Variants in PLA2G7 observed in about 807,000 individuals in gnomAD.
The protein encoded by PLA2G7 is phospholipase A2 group VII.
A neutral mutation model predicts 49.6 loss-of-function variants in PLA2G7; 63 were observed. The observed-to-expected ratio is 1.27, with a 90% CI of 1.04 to 1.57. PLA2G7 has a LOEUF of 1.57. PLA2G7 is among the 40% of genes most tolerant of loss of function. PLA2G7 has a pLI of 0.00. For missense variants in PLA2G7, 596 were observed against 521.2 expected, an observed-to-expected ratio of 1.14 and a Z score of -1.40; for synonymous variants, 193 against 169.9, an observed-to-expected ratio of 1.14 and a Z score of -1.06.
At chr6:46,728,849 T>C (rs1765647283) in intron 1 of PLA2G7, among the ~76,000 whole-genome samples, 1 of 152,216 alleles carries the variant, frequency 6.6e-6, no homozygotes, top group Admixed American at 6.5e-5. Flanking sequence ...AACTTACCTG[T>C]ATCAGAGTAA....
intron 1 of PLA2G7, among the ~76,000 whole-genome samples, chr6:46,723,506 A>G (rs1765469533): frequency 6.6e-6 from 1 of 152,242 alleles, no homozygotes; most frequent in African/African-American, 2.4e-5. Context: ...AAGAAGTAGT[A>G]TTGCATAGAT....
chr6:46,706,368 A>G (rs1211521969), intron 10 of PLA2G7, among the ~76,000 whole-genome samples: 1 of 152,238 alleles, frequency 6.6e-6, no homozygotes, highest in African/African-American at 2.4e-5. Flanking sequence ...CAGCAGGAAT[A>G]CAAGAGAATT....
intron 10 of PLA2G7, among the ~76,000 whole-genome samples, chr6:46,706,290 T>A (rs145892253): frequency 1.9e-4 from 29 of 152,288 alleles, no homozygotes; most frequent in African/African-American, 5.1e-4. Context: ...CAGGGCCACT[T>A]AACTCCCTCT....
chr6:46,715,645 A>G (rs17288905), intron 4 of PLA2G7, among the ~76,000 whole-genome samples: 8,432 of 152,330 alleles, frequency 0.055, 348 homozygotes, highest in Non-Finnish European at 0.083. Flanking sequence ...GATGATTGCT[A>G]TGGAAGTGAT....
At chr6:46,713,172 C>T (rs942787075) in intron 5 of PLA2G7, among the ~76,000 whole-genome samples, 4 of 152,160 alleles carry the variant, frequency 2.6e-5, no homozygotes, top group Admixed American at 6.5e-5. Flanking sequence ...TGCCCTCTTC[C>T]ACAGCTTCAT....
At chr6:46,720,749 C>A (rs1380602781) in intron 2 of PLA2G7, among the ~76,000 whole-genome samples, 2 of 152,204 alleles carry the variant, frequency 1.3e-5, no homozygotes, top group East Asian at 3.9e-4. Context: ...GAACCTATGG[C>A]ATGCTATTAA....
intron 11 of PLA2G7, 64 bp downstream of exon 11, chr6:46,705,089 T>C: frequency 8.4e-7 from 1 of 1,186,852 alleles, no homozygotes; most frequent in South Asian, 1.2e-5. Context: ...TAAAGCTGTA[T>C]TAAGATAGAC....
intron 1 of PLA2G7, among the ~76,000 whole-genome samples, chr6:46,729,863 A>G (rs1364650211): frequency 1.3e-5 from 2 of 152,252 alleles, no homozygotes; most frequent in Non-Finnish European, 2.9e-5. Context: ...TCCTCAGCTG[A>G]AAACCATTGC....
chr6:46,704,579 C>T lies in PLA2G7; in HGVS notation c.1307G>A (p.Gly436Glu), dbSNP rs200105872. ...TTAATCCTAATTGTATTTCTCTATT[C>T]CTGAAGAGTTCTGTAACATGATGTG... ...NQHIMLQNSSGIEKYN is the reference protein window; with the variant it reads ...NQHIMLQNSSEIEKYN Residue 436 changes from glycine (G) to glutamate (E), a missense_variant, in exon 12 of 12, where the codon GGA (glycine) becomes GAA (glutamate). Physicochemically the swap from Gly to Glu is moderately conservative, Grantham distance 98. Transcript: ENST00000274793. 2 of 1,587,674 alleles carry T rather than the reference C, an allele frequency of 1.3e-6. No individual in the cohort carries two copies. The highest frequency in any genetic ancestry group is 1.7e-6 in the Non-Finnish European group (2 of 1,158,090).
rs114259578 is a variant in PLA2G7, at chr6:46,726,905, G to A, written c.-34-3980C>T. Among the ~76,000 whole-genome samples, 866 of 152,066 alleles carry A rather than the reference G, an allele frequency of 5.7e-3. 6 individuals are homozygous for A. The highest frequency in any genetic ancestry group is 7.5e-3 in the Non-Finnish European group (507 of 67,988). ...GATCCGCTCACCTCTACCTCTCAAA[G>A]TGCTGGGATTACAGGCATGAGCCAC... On this transcript the variant is annotated intron_variant, in intron 1 of 11. Transcript: ENST00000274793.
chr6:46,716,950 T>C (rs768283122), intron 3 of PLA2G7, 25 bp downstream of exon 3: 11 of 1,608,418 alleles, frequency 6.8e-6, no homozygotes, highest in Middle Eastern at 1.6e-4. Flanking sequence ...AGTATCAGGA[T>C]AAGTTGTATA....
chr6:46,731,680 T>G (rs939389371), intron 1 of PLA2G7, among the ~76,000 whole-genome samples: 1 of 152,156 alleles, frequency 6.6e-6, no homozygotes, highest in Non-Finnish European at 1.5e-5. Flanking sequence ...TTTATTAAAA[T>G]AAATTTTAAG....
intron 8 of PLA2G7, 30 bp downstream of exon 8, chr6:46,710,515 A>G (rs748397821): frequency 2.3e-6 from 3 of 1,312,136 alleles, no homozygotes; most frequent in South Asian, 2.4e-5. Flanking sequence ...GAACTGTAGG[A>G]CAAGAGAAAA....
intron 1 of PLA2G7, among the ~76,000 whole-genome samples, chr6:46,732,809 T>C (rs952335467): frequency 6.6e-6 from 1 of 152,208 alleles, no homozygotes; most frequent in African/African-American, 2.4e-5. Flanking sequence ...GCTGGCGTCA[T>C]GAAGAAAGTC....
chr6:46,714,358 C>T, intron 5 of PLA2G7, 102 bp downstream of exon 5: 1 of 804,494 alleles, frequency 1.2e-6, no homozygotes, highest in Non-Finnish European at 2.2e-6. Context: ...CTCCTCCAGA[C>T]AAGGGCCTGC....
Position 46,704,530 on chromosome 6 carries a change from A to C in PLA2G7, c.*30T>G. Reference sequence around the variant, plus strand: ...CACACATAATTTTAGACAGTTTTGAAACAAGACTTTTAAAAAACCTATTTT... The same window carrying C: ...CACACATAATTTTAGACAGTTTTGACACAAGACTTTTAAAAAACCTATTTT... On this transcript the variant is annotated 3_prime_UTR_variant, in exon 12 of 12. Coordinates refer to ENST00000274793, the MANE Select transcript of PLA2G7 (RefSeq NM_005084.4). 1 of 1,355,850 alleles carries C rather than the reference A, an allele frequency of 7.4e-7. No homozygotes were observed. The allele number at this position is 1,355,850 out of a possible 1,614,324, so 84.0% of individuals were successfully genotyped here.
chr6:46,715,347 C>T (rs1320444616), intron 4 of PLA2G7, among the ~76,000 whole-genome samples: 1 of 152,192 alleles, frequency 6.6e-6, no homozygotes, highest in African/African-American at 2.4e-5. Context: ...TCTGCCACTT[C>T]CTAACTATGG....
chr6:46,717,508 C>G (rs1436159636), intron 2 of PLA2G7, among the ~76,000 whole-genome samples: 3 of 152,004 alleles, frequency 2.0e-5, no homozygotes, highest in Non-Finnish European at 4.4e-5. Flanking sequence ...ATAAGAATGT[C>G]AAAATGAAAC....
chr6:46,732,381 A>ACACACG (rs960879560), intron 1 of PLA2G7, among the ~76,000 whole-genome samples: 1 of 151,608 alleles, frequency 6.6e-6, no homozygotes, highest in Non-Finnish European at 1.5e-5. Context: ...ACACACACAC[A>ACACACG]CACACACACA....
Sources: allele counts gnomAD v4.1 joint callset (sites outside exome capture counted in the v4.1 genomes callset), GRCh38; gene constraint gnomAD v4.1.1; transcripts MANE v1.5; gene names NCBI Gene and HGNC (gene_info 2026-07-23, HGNC 2026-07-21).